FARS2: variants seen among roughly 807,000 people sequenced by gnomAD.
FARS2 encodes the protein phenylalanyl-tRNA synthetase 2, mitochondrial.
In FARS2, 40 loss-of-function variants were observed where a neutral mutation model predicts 46.4. The observed-to-expected ratio is 0.86, with a 90% confidence interval of 0.67 to 1.12. FARS2 has a LOEUF of 1.12. FARS2 is among the 50% of genes most tolerant of loss of function. The pLI, the probability that FARS2 is intolerant of heterozygous loss-of-function variation, is 0.00. For missense variants in FARS2, 513 were observed against 567.9 expected (o/e 0.90, Z 0.98); for synonymous variants, 234 against 214.9 (o/e 1.09, Z -0.78).
intron 4 of FARS2, among the ~76,000 whole-genome samples, chr6:5,459,443 T>G (rs1765106787): frequency 6.6e-6 from 1 of 152,112 alleles, no homozygotes; most frequent in Admixed American, 6.5e-5. Flanking sequence ...TTATTCTGGC[T>G]CCACTTTTGT....
chr6:5,414,807 G>A (rs1268706602), intron 3 of FARS2, among the ~76,000 whole-genome samples: 1 of 135,708 alleles, frequency 7.4e-6, no homozygotes, highest in Non-Finnish European at 1.6e-5. Flanking sequence ...GTAGGTATAT[G>A]ACTGTTTTTT....
intron 2 of FARS2, among the ~76,000 whole-genome samples, chr6:5,403,331 C>T (rs1165906659): frequency 6.6e-6 from 1 of 152,116 alleles, no homozygotes; most frequent in African/African-American, 2.4e-5. Flanking sequence ...TGTGCTCATC[C>T]TCATCAGGGG....
At chr6:5,723,848 G>C (rs1473251580) in intron 6 of FARS2, among the ~76,000 whole-genome samples, 1 of 152,180 alleles carries the variant, frequency 6.6e-6, no homozygotes, top group Non-Finnish European at 1.5e-5. Flanking sequence ...CAGGGCTTTG[G>C]GCCAAACTGT....
intron 6 of FARS2, among the ~76,000 whole-genome samples, chr6:5,651,198 A>G (rs1275466374): frequency 6.6e-6 from 1 of 152,218 alleles, no homozygotes; most frequent in Non-Finnish European, 1.5e-5. Context: ...AGTAGACCCA[A>G]GAAAGCTGAA....
chr6:5,260,607 C>T (rs1765007477), upstream of FARS2: 2 of 1,308,164 alleles, frequency 1.5e-6, no homozygotes, highest in East Asian at 2.5e-5. Flanking sequence ...GTCCCCGGCC[C>T]CTGGCCCCCC....
At chr6:5,276,319 C>A (rs1438237421) in intron 1 of FARS2, among the ~76,000 whole-genome samples, 1 of 152,148 alleles carries the variant, frequency 6.6e-6, no homozygotes, top group Non-Finnish European at 1.5e-5. Flanking sequence ...TCTCATTTCA[C>A]AGCTGTATCA....
At chr6:5,324,641 A>G (rs556833551) in intron 1 of FARS2, among the ~76,000 whole-genome samples, 5 of 152,270 alleles carry the variant, frequency 3.3e-5, no homozygotes, top group Admixed American at 6.5e-5. Context: ...CCATTTACCA[A>G]TGTATGAACA....
At chr6:5,292,380 G>A (rs910120397) in intron 1 of FARS2, among the ~76,000 whole-genome samples, 7 of 152,204 alleles carry the variant, frequency 4.6e-5, no homozygotes, top group African/African-American at 1.7e-4. Context: ...CTACGTTTGT[G>A]TTGTACTTCT....
intron 4 of FARS2, among the ~76,000 whole-genome samples, chr6:5,495,505 A>G (rs111898862): frequency 0.025 from 3,840 of 152,326 alleles, 60 homozygotes; most frequent in African/African-American, 0.04. Flanking sequence ...TCTGGGGTCT[A>G]GTCTAATAGA....
intron 4 of FARS2, among the ~76,000 whole-genome samples, chr6:5,542,389 A>G (rs549218747): frequency 4.9e-4 from 75 of 152,296 alleles, no homozygotes; most frequent in African/African-American, 1.7e-3. Flanking sequence ...GCTGCATTGG[A>G]CTTCCAGTGC....
chr6:5,288,672 CGGACTGG>C (rs1336461361), intron 1 of FARS2, among the ~76,000 whole-genome samples: 1 of 152,114 alleles, frequency 6.6e-6, no homozygotes, highest in East Asian at 1.9e-4. Flanking sequence ...TATGGAGGTG[CGGACTGG>C]GGACAAAATC....
intron 5 of FARS2, among the ~76,000 whole-genome samples, chr6:5,589,803 T>A (rs1451976090): frequency 1.3e-5 from 2 of 152,358 alleles, no homozygotes; most frequent in East Asian, 3.9e-4. Flanking sequence ...TTTCTCTATT[T>A]TATGGATAAG....
chr6:5,520,344 A>G (rs1769056690), intron 4 of FARS2, among the ~76,000 whole-genome samples: 1 of 152,180 alleles, frequency 6.6e-6, no homozygotes, highest in South Asian at 2.1e-4. Flanking sequence ...GAATAGCCAC[A>G]TGTAGTTCAG....
Position 5,630,304 on chromosome 6 carries a change from T to C in FARS2, c.1217+16984T>C, listed in dbSNP as rs57529114. ...GTACAGTCTCTTGCAGGAGTGAGAC[T>C]GTAGTGTCATCAGAAAACAAGCGCA... On this transcript the variant is annotated intron_variant, in intron 6 of 6. Coordinates refer to ENST00000274680, the MANE Select transcript of FARS2 (RefSeq NM_006567.5). This position sits in a 1 kb window ranked among gnomAD's most constrained non-coding sequence, Gnocchi z 4.2. Among the ~76,000 whole-genome samples, 6,316 of 152,230 alleles carry C rather than the reference T, an allele frequency of 0.041. 326 individuals carry two copies. Among genetic ancestry groups the C allele is most frequent in the African/African-American group, 0.12 (5,135 of 41,502 alleles).
chr6:5,710,974 T>C (rs1759109029), intron 6 of FARS2, among the ~76,000 whole-genome samples: 1 of 152,164 alleles, frequency 6.6e-6, no homozygotes. Flanking sequence ...GCTAACAGCT[T>C]AAAAAGCAAG....
intron 5 of FARS2, among the ~76,000 whole-genome samples, chr6:5,558,787 G>T (rs1228222558): frequency 6.6e-6 from 1 of 151,830 alleles, no homozygotes; most frequent in Non-Finnish European, 1.5e-5. Flanking sequence ...TCCTGACCTC[G>T]TGATCCACCC....
At chr6:5,339,138 T>C (rs1771374646) in intron 1 of FARS2, among the ~76,000 whole-genome samples, 2 of 152,154 alleles carry the variant, frequency 1.3e-5, no homozygotes, top group Admixed American at 1.3e-4. Flanking sequence ...AAGCCAGGAC[T>C]TTGTGTCCAG....
intron 4 of FARS2, among the ~76,000 whole-genome samples, chr6:5,517,300 A>G (rs555421262): frequency 6.6e-6 from 1 of 152,242 alleles, no homozygotes; most frequent in Admixed American, 6.5e-5. Flanking sequence ...TCCAACAGAT[A>G]TGTGCTTTAA....
At chr6:5,382,243 T>C (rs1759841945) in intron 2 of FARS2, among the ~76,000 whole-genome samples, 1 of 152,238 alleles carries the variant, frequency 6.6e-6, no homozygotes, top group Admixed American at 6.5e-5. Context: ...GGAACTTGGG[T>C]TAACCTTCTC....
Sources: gnomAD v4.1 joint callset for allele counts (sites outside exome capture counted in the v4.1 genomes callset) on GRCh38, gnomAD v4.1.1 for gene constraint, Gnocchi (gnomAD v3.1) non-coding constraint, MANE v1.5 for transcripts, NCBI Gene and HGNC (gene_info 2026-07-23, HGNC 2026-07-21) for gene names.